CNTN6: variants seen among roughly 807,000 people sequenced by gnomAD.
CNTN6 encodes contactin 6.
Under a neutral mutation model 122.8 loss-of-function variants are expected in CNTN6, and 137 were observed. The ratio of observed to expected loss-of-function variants is 1.12; its 90% CI spans 0.97 to 1.29. The LOEUF (loss-of-function observed/expected upper bound fraction) is 1.29. CNTN6 is among the 50% of genes most tolerant of loss of function. CNTN6 has a pLI of 0.00. For missense variants in CNTN6, 1,634 were observed against 1,223.4 expected, an observed-to-expected ratio of 1.34 and a Z score of -5.01; for synonymous variants, 570 against 426.0, an observed-to-expected ratio of 1.34 and a Z score of -4.16.
At chr3:1,340,085 A>G (rs1703665242) in intron 11 of CNTN6, among the ~76,000 whole-genome samples, 1 of 152,152 alleles carries the variant, frequency 6.6e-6, no homozygotes, top group African/African-American at 2.4e-5. Context: ...TTAGATGAGT[A>G]AAACTAAGGC....
At chr3:1,125,231 T>C (rs2092117345) in intron 1 of CNTN6, among the ~76,000 whole-genome samples, 1 of 151,990 alleles carries the variant, frequency 6.6e-6, no homozygotes, top group African/African-American at 2.4e-5. Context: ...ACTAAAACTA[T>C]ATCTGATTTT....
At chr3:1,248,629 G>T (rs1290967305) in intron 4 of CNTN6, among the ~76,000 whole-genome samples, 1 of 152,118 alleles carries the variant, frequency 6.6e-6, no homozygotes, top group African/African-American at 2.4e-5. Flanking sequence ...AGACTAGGTT[G>T]GCCAACATGG....
At chr3:1,169,278 G>A (rs4437124) in intron 2 of CNTN6, among the ~76,000 whole-genome samples, 2 of 152,192 alleles carry the variant, frequency 1.3e-5, no homozygotes, top group African/African-American at 2.4e-5. Flanking sequence ...AGGTGACATA[G>A]TCTAAAAGGG....
At chr3:1,199,548 T>C (rs1183931390) in intron 2 of CNTN6, among the ~76,000 whole-genome samples, 2 of 152,176 alleles carry the variant, frequency 1.3e-5, no homozygotes, top group Non-Finnish European at 2.9e-5. Flanking sequence ...CTAATTCATA[T>C]TTAGTATTTT....
intron 2 of CNTN6, among the ~76,000 whole-genome samples, chr3:1,171,649 C>T (rs532927165): frequency 2.1e-4 from 32 of 152,226 alleles, no homozygotes; most frequent in African/African-American, 7.0e-4. Context: ...ACTCTGTTGC[C>T]CAGGCTGGAG....
At chr3:1,361,855 T>C (rs779561080) in intron 12 of CNTN6, among the ~76,000 whole-genome samples, 1 of 152,134 alleles carries the variant, frequency 6.6e-6, no homozygotes, top group African/African-American at 2.4e-5. Flanking sequence ...ACAGAGAGGT[T>C]AGCCCCACAT....
At chr3:1,277,022 TA>T (rs1450860182) in intron 4 of CNTN6, among the ~76,000 whole-genome samples, 1 of 152,194 alleles carries the variant, frequency 6.6e-6, no homozygotes, top group African/African-American at 2.4e-5. Flanking sequence ...TCAAACATAG[TA>T]AGTGAAAGTT....
chr3:1,328,752 G>A (rs530395551), intron 10 of CNTN6, among the ~76,000 whole-genome samples: 2 of 151,776 alleles, frequency 1.3e-5, no homozygotes, highest in South Asian at 4.2e-4. Context: ...AGAAGCAAGA[G>A]AGCATGGCAT....
At chr3:1,176,387 G>A (rs537695236) in intron 2 of CNTN6, among the ~76,000 whole-genome samples, 5 of 152,280 alleles carry the variant, frequency 3.3e-5, no homozygotes, top group African/African-American at 1.2e-4. Context: ...CCGCACCTGG[G>A]CAACAAGAGT....
In CNTN6 at chr3:1,327,509, C is replaced by T. The variant is rs1479830103; in HGVS notation, c.1136C>T (p.Ser379Leu). 1 of 1,610,762 alleles carries T rather than the reference C, an allele frequency of 6.2e-7. No homozygotes were observed. Among genetic ancestry groups the T allele is most frequent in the Non-Finnish European group, 8.5e-7 (1 of 1,178,058 alleles). ...GTLIITMLNV[S>L]DSGVYQCAAE... ...CTCATCATAACGATGCTGAATGTGT[C>T]AGATTCTGGTGTGTACCAATGTGCT... is the stretch of plus-strand genomic sequence containing the variant. Residue 379 changes from serine to leucine, a missense_variant, in exon 10 of 23, where the codon TCA becomes TTA. By Grantham distance (145) the Ser-to-Leu change is moderately radical. Transcript: ENST00000446702.
intron 2 of CNTN6, among the ~76,000 whole-genome samples, chr3:1,216,391 A>AG (rs1416320297): frequency 6.6e-6 from 1 of 151,956 alleles, no homozygotes; most frequent in East Asian, 1.9e-4. Flanking sequence ...TTTACTCCAC[A>AG]GTTGTTTTTG....
intron 12 of CNTN6, among the ~76,000 whole-genome samples, chr3:1,365,600 T>C (rs1708103950): frequency 6.6e-6 from 1 of 152,046 alleles, no homozygotes; most frequent in Non-Finnish European, 1.5e-5. Flanking sequence ...CAAGAAATGT[T>C]ACATGGATTA....
At chr3:1,256,248 G>A (rs2094756544) in intron 4 of CNTN6, among the ~76,000 whole-genome samples, 1 of 152,058 alleles carries the variant, frequency 6.6e-6, no homozygotes, top group Non-Finnish European at 1.5e-5. Flanking sequence ...TCTAAGTTAT[G>A]AAATAATCTG....
chr3:1,196,466 T>C (rs918764948), intron 2 of CNTN6, among the ~76,000 whole-genome samples: 1 of 152,200 alleles, frequency 6.6e-6, no homozygotes. Flanking sequence ...TTTTTGTTTT[T>C]GTTTTTGTTT....
At chr3:1,253,404 CTATAAT>C (rs924972665) in intron 4 of CNTN6, among the ~76,000 whole-genome samples, 86 of 152,180 alleles carry the variant, frequency 5.7e-4, no homozygotes, top group African/African-American at 2.0e-3. Context: ...TTTATATACT[CTATAAT>C]TATTATATGT....
At chr3:1,122,972 G>T (rs1208977827) in intron 1 of CNTN6, among the ~76,000 whole-genome samples, 1 of 151,778 alleles carries the variant, frequency 6.6e-6, no homozygotes, top group Admixed American at 6.6e-5. Context: ...AAATGATAGG[G>T]TTACAAGGTG....
At chr3:1,207,454 C>T (rs1277165892) in intron 2 of CNTN6, among the ~76,000 whole-genome samples, 1 of 152,102 alleles carries the variant, frequency 6.6e-6, no homozygotes, top group East Asian at 1.9e-4. Flanking sequence ...TGCTGTTCCT[C>T]TGCCTAGAAA....
At chr3:1,125,255 A>G (rs774724024) in intron 1 of CNTN6, among the ~76,000 whole-genome samples, 1 of 151,912 alleles carries the variant, frequency 6.6e-6, no homozygotes, top group Non-Finnish European at 1.5e-5. Flanking sequence ...AAAATTCTCA[A>G]ATGTTTGATT....
intron 2 of CNTN6, among the ~76,000 whole-genome samples, chr3:1,210,844 C>T (rs971253081): frequency 4.6e-5 from 7 of 152,198 alleles, no homozygotes; most frequent in African/African-American, 1.7e-4. Context: ...AAAATGTTTT[C>T]TTACTTCCCT....
Sources: allele counts gnomAD v4.1 joint callset (sites outside exome capture counted in the v4.1 genomes callset), GRCh38; gene constraint gnomAD v4.1.1; transcripts MANE v1.5; gene names NCBI Gene and HGNC (gene_info 2026-07-23, HGNC 2026-07-21).